CDK14: variants seen among roughly 807,000 people sequenced by gnomAD.
The protein encoded by CDK14 is cyclin-dependent kinase 14.
CDK14 carries 34 observed loss-of-function variants against 60.7 expected under a neutral mutation model. The ratio of observed to expected loss-of-function variants is 0.56; its 90% CI spans 0.43 to 0.75. The LOEUF (loss-of-function observed/expected upper bound fraction) is 0.75. Among genes scored for constraint, CDK14 ranks in the 30% least tolerant of loss-of-function variants. CDK14 has a pLI of 0.00. For synonymous variants in CDK14, 197 were observed against 203.7 expected (o/e 0.97, Z 0.28); for missense variants, 482 against 564.1 (o/e 0.85, Z 1.47).
intron 2 of CDK14, among the ~76,000 whole-genome samples, chr7:90,655,495 C>T (rs908108544): frequency 6.6e-6 from 1 of 152,068 alleles, no homozygotes; most frequent in African/African-American, 2.4e-5. Context: ...ACTTCCTTGC[C>T]AGACATACTT....
At chr7:90,925,217 A>G (rs113799880) in intron 8 of CDK14, among the ~76,000 whole-genome samples, 1 of 152,192 alleles carries the variant, frequency 6.6e-6, no homozygotes, top group African/African-American at 2.4e-5. Context: ...AAGGATACTG[A>G]TATAAAAATG....
intron 11 of CDK14, among the ~76,000 whole-genome samples, chr7:91,047,473 A>G (rs190795449): frequency 2.6e-5 from 4 of 152,370 alleles, no homozygotes; most frequent in East Asian, 3.9e-4. Context: ...TGTGAACTTC[A>G]TGACACCAGG....
intron 8 of CDK14, among the ~76,000 whole-genome samples, chr7:90,924,791 T>C (rs1793363439): frequency 6.6e-6 from 1 of 152,168 alleles, no homozygotes; most frequent in African/African-American, 2.4e-5. Flanking sequence ...CTTTTTTCCC[T>C]AGTTTCTTTT....
At chr7:90,945,252 C>G (rs1456682882) in intron 8 of CDK14, among the ~76,000 whole-genome samples, 1 of 152,146 alleles carries the variant, frequency 6.6e-6, no homozygotes, top group East Asian at 1.9e-4. Context: ...AAGTGTTACT[C>G]TAGGCCAACT....
At chr7:90,641,680 C>T (rs201499068) in intron 2 of CDK14, among the ~76,000 whole-genome samples, 1 of 74,126 alleles carries the variant, frequency 1.3e-5, no homozygotes, top group Non-Finnish European at 3.4e-5. Context: ...CTGTGGCTCT[C>T]TTTGAGATCA....
intron 10 of CDK14, among the ~76,000 whole-genome samples, chr7:91,006,947 C>G (rs1795995581): frequency 6.6e-6 from 1 of 152,096 alleles, no homozygotes; most frequent in Non-Finnish European, 1.5e-5. Context: ...TAGGTCATGC[C>G]AATTTTGTTT....
rs149959941 is a variant in CDK14, at chr7:90,719,277, C to T, written c.124-7290C>T. On this transcript the variant is annotated intron_variant, in intron 2 of 14. Coordinates refer to ENST00000380050, the MANE Select transcript of CDK14 (RefSeq NM_001287135.2). ...TAACCTGGAGTCTTTTAAACCAATTCTTTTCCAGTGTCTGCCTTCAACTAA... is the reference window on the plus strand; with the variant it reads ...TAACCTGGAGTCTTTTAAACCAATTTTTTTCCAGTGTCTGCCTTCAACTAA... Among the ~76,000 whole-genome samples the T allele has an allele frequency of 6.8e-4, 104 of 152,256 alleles. 2 individuals are homozygous for T. The highest frequency in any genetic ancestry group is 6.0e-3 in the Admixed American group (92 of 15,282).
chr7:91,119,044 T>TATAC (rs1287640042), intron 14 of CDK14, among the ~76,000 whole-genome samples: 2 of 150,802 alleles, frequency 1.3e-5, no homozygotes, highest in Admixed American at 1.3e-4. Context: ...TGTATATATA[T>TATAC]ATACATACAT....
intron 6 of CDK14, among the ~76,000 whole-genome samples, chr7:90,890,413 G>A (rs1049957321): frequency 2.0e-5 from 3 of 152,130 alleles, no homozygotes; most frequent in African/African-American, 7.2e-5. Flanking sequence ...TAGGTAGACA[G>A]ATAGAGCCCC....
intron 10 of CDK14, among the ~76,000 whole-genome samples, chr7:91,038,207 C>T (rs1796986809): frequency 6.6e-6 from 1 of 152,198 alleles, no homozygotes; most frequent in Non-Finnish European, 1.5e-5. Flanking sequence ...AGACGACTCT[C>T]TTCTACTTTT....
intron 10 of CDK14, among the ~76,000 whole-genome samples, chr7:90,986,304 T>C (rs1022993714): frequency 6.6e-6 from 1 of 152,070 alleles, no homozygotes; most frequent in Non-Finnish European, 1.5e-5. Context: ...ACAATCATCC[T>C]GTTAGTTAAG....
chr7:90,812,232 G>A (rs1789152448), intron 5 of CDK14, among the ~76,000 whole-genome samples: 2 of 152,190 alleles, frequency 1.3e-5, no homozygotes, highest in Non-Finnish European at 2.9e-5. Context: ...ATCCAACAAT[G>A]ATAAACTGGA....
rs561271825 is a variant in CDK14 at position 90,598,452 on chromosome 7, C to T, written c.91+1734C>T. 2.6e-5 allele frequency among the ~76,000 whole-genome samples: 4 copies of T among 152,168 alleles called. No homozygotes were observed. The East Asian group carries it at 7.7e-4, about 29-fold the overall frequency. ...AGAGCTGGTGGATTTTATATCCTCC[C>T]TTTAGGACACAGAATGCAGTGCAGT... On this transcript the variant is annotated intron_variant, in intron 1 of 14. Coordinates refer to ENST00000380050, the MANE Select transcript of CDK14 (RefSeq NM_001287135.2).
At chr7:90,606,494 G>A (rs1198341576) in intron 2 of CDK14, among the ~76,000 whole-genome samples, 1 of 152,272 alleles carries the variant, frequency 6.6e-6, no homozygotes, top group East Asian at 1.9e-4. Flanking sequence ...CGTCATTGAT[G>A]CTTTCACTTT....
At chr7:91,024,268 C>G (rs1477054031) in intron 10 of CDK14, among the ~76,000 whole-genome samples, 1 of 152,140 alleles carries the variant, frequency 6.6e-6, no homozygotes, top group East Asian at 1.9e-4. Flanking sequence ...GGTAGGTAGT[C>G]TTTGTTATAC....
At chr7:90,775,717 C>CCTT (rs1275445483) in intron 4 of CDK14, among the ~76,000 whole-genome samples, 1 of 131,278 alleles carries the variant, frequency 7.6e-6, no homozygotes, top group Non-Finnish European at 1.6e-5. Context: ...TCCTTCTCCT[C>CCTT]CTCCTCTCCT....
intron 14 of CDK14, among the ~76,000 whole-genome samples, chr7:91,177,439 A>G (rs1160081128): frequency 5.8e-3 from 661 of 114,450 alleles, no homozygotes; most frequent in Middle Eastern, 9.3e-3. Context: ...TATTCAACAT[A>G]GTGTTGGAAG....
chr7:91,198,872 G>A (rs563352030), intron 14 of CDK14, among the ~76,000 whole-genome samples: 28 of 152,296 alleles, frequency 1.8e-4, no homozygotes, highest in African/African-American at 6.7e-4. Flanking sequence ...ACCCAAAGTA[G>A]AGTCACATCT....
chr7:90,810,935 A>T (rs915018996), intron 5 of CDK14, among the ~76,000 whole-genome samples: 64 of 151,998 alleles, frequency 4.2e-4, no homozygotes, highest in Non-Finnish European at 7.8e-4. Context: ...CTTCAAGGAG[A>T]ACTACAAACC....
Sources: gnomAD v4.1 joint callset for allele counts (sites outside exome capture counted in the v4.1 genomes callset) on GRCh38, gnomAD v4.1.1 for gene constraint, MANE v1.5 for transcripts, NCBI Gene and HGNC (gene_info 2026-07-23, HGNC 2026-07-21) for gene names.